CNTN5: variants seen among roughly 807,000 people sequenced by gnomAD.
The protein encoded by CNTN5 is contactin 5, also known as contactin-5.
A neutral mutation model predicts 129.1 loss-of-function variants in CNTN5; 77 were observed. That is an observed-to-expected ratio of 0.60 (90% confidence interval 0.50 to 0.72). The LOEUF is 0.72. Among genes scored for constraint, CNTN5 ranks in the 30% least tolerant of loss-of-function variants. The pLI is 0.00. For missense variants in CNTN5, 1,478 were observed against 1,328.8 expected (o/e 1.11, Z -1.75); for synonymous variants, 509 against 465.6 (o/e 1.09, Z -1.20).
chr11:99,579,828 C>A (rs921512305), intron 3 of CNTN5, among the ~76,000 whole-genome samples: 1 of 151,076 alleles, frequency 6.6e-6, no homozygotes, highest in Non-Finnish European at 1.5e-5. Flanking sequence ...TTATTCCCTT[C>A]TCCTGCCTGA....
rs139079088 is a variant in CNTN5, at chr11:100,206,515, T to C, written c.1884+12852T>C. ...CCAAATTAAATCCAGGGATAAACTA[T>C]ATCTTGCTTAACATAAGTATACGTG... On this transcript the variant is annotated intron_variant, in intron 15 of 24. Coordinates refer to ENST00000524871, the MANE Select transcript of CNTN5 (RefSeq NM_014361.4). Among the ~76,000 whole-genome samples, 51 of 152,270 alleles carry C rather than the reference T, an allele frequency of 3.3e-4. 1 individual carries two copies. In the South Asian group the frequency reaches 3.7e-3, roughly 11 times the overall value.
chr11:99,668,694 C>A (rs557497882), intron 3 of CNTN5, among the ~76,000 whole-genome samples: 3 of 152,014 alleles, frequency 2.0e-5, no homozygotes, highest in Non-Finnish European at 4.4e-5. Flanking sequence ...TTTGGGAGGC[C>A]GAGGTGCGCA....
intron 2 of CNTN5, among the ~76,000 whole-genome samples, chr11:99,519,763 T>G (rs1440611057): frequency 7.9e-5 from 12 of 152,044 alleles, no homozygotes; most frequent in Admixed American, 7.9e-4. Context: ...TGGGAACAAT[T>G]CTAGAGTTTA....
At chr11:99,475,750 T>C (rs1945345590) in intron 2 of CNTN5, among the ~76,000 whole-genome samples, 1 of 152,138 alleles carries the variant, frequency 6.6e-6, no homozygotes, top group Admixed American at 6.6e-5. Flanking sequence ...TCTAATAATT[T>C]TTAAAATAAT....
chr11:99,438,325 G>A (rs945646130), intron 2 of CNTN5, among the ~76,000 whole-genome samples: 9 of 151,910 alleles, frequency 5.9e-5, no homozygotes, highest in African/African-American at 2.2e-4. Flanking sequence ...GGAACTATTC[G>A]TCTTATCTCT....
intron 2 of CNTN5, among the ~76,000 whole-genome samples, chr11:99,436,933 C>T (rs929623308): frequency 3.9e-5 from 6 of 152,118 alleles, no homozygotes; most frequent in Non-Finnish European, 5.9e-5. Context: ...GTTTTCTCTA[C>T]CTTCATGATG....
At chr11:99,168,347 G>C (rs1477719532) in intron 1 of CNTN5, among the ~76,000 whole-genome samples, 1 of 152,146 alleles carries the variant, frequency 6.6e-6, no homozygotes, top group South Asian at 2.1e-4. Context: ...GGGGGGTGGG[G>C]GGACGGCAGG....
At chr11:100,098,764 C>T (rs1945110572) in intron 13 of CNTN5, among the ~76,000 whole-genome samples, 1 of 152,090 alleles carries the variant, frequency 6.6e-6, no homozygotes, top group South Asian at 2.1e-4. Context: ...GTTGAGTCAG[C>T]AGTTTGGCTG....
intron 1 of CNTN5, among the ~76,000 whole-genome samples, chr11:99,239,947 A>ACC (rs1405515864): frequency 6.6e-6 from 1 of 151,784 alleles, no homozygotes; most frequent in Non-Finnish European, 1.5e-5. Flanking sequence ...AAAAAAAAAA[A>ACC]AAAAAAAAAT....
chr11:99,496,189 G>C (rs1305923726), intron 2 of CNTN5, among the ~76,000 whole-genome samples: 1 of 152,142 alleles, frequency 6.6e-6, no homozygotes, highest in African/African-American at 2.4e-5. Flanking sequence ...TTTTGATAGA[G>C]AAGCGTGACG....
At chr11:99,909,476 A>T (rs1163378562) in intron 6 of CNTN5, among the ~76,000 whole-genome samples, 9 of 152,110 alleles carry the variant, frequency 5.9e-5, no homozygotes, top group Admixed American at 5.9e-4. Context: ...TACCCAAAGG[A>T]TTATAAAACA....
At chr11:99,066,722 C>T (rs1421369892) in intron 1 of CNTN5, among the ~76,000 whole-genome samples, 3 of 152,082 alleles carry the variant, frequency 2.0e-5, no homozygotes, top group Middle Eastern at 3.2e-3. Context: ...TGATCAGTGG[C>T]CCCAGCTCTT....
At chr11:100,047,457 T>G (rs1020920347) in intron 9 of CNTN5, among the ~76,000 whole-genome samples, 36 of 152,132 alleles carry the variant, frequency 2.4e-4, no homozygotes, top group African/African-American at 8.4e-4. Context: ...AAAACAAAAT[T>G]CAGAGACCTG....
intron 13 of CNTN5, among the ~76,000 whole-genome samples, chr11:100,101,979 G>A (rs747623525): frequency 9.2e-5 from 14 of 152,126 alleles, no homozygotes; most frequent in Admixed American, 2.0e-4. Flanking sequence ...CTGATTGGTT[G>A]ATGAGCACTT....
chr11:100,071,393 T>A (rs1436243884), intron 11 of CNTN5, among the ~76,000 whole-genome samples: 1 of 152,162 alleles, frequency 6.6e-6, no homozygotes, highest in African/African-American at 2.4e-5. Context: ...AAGCATCACC[T>A]GCTGATTATA....
At chr11:99,557,428 A>C (rs1232190674) in intron 3 of CNTN5, among the ~76,000 whole-genome samples, 1 of 151,396 alleles carries the variant, frequency 6.6e-6, no homozygotes, top group East Asian at 1.9e-4. Context: ...AAAAATATCT[A>C]ATTGATTATA....
Position 100,341,177 on chromosome 11 carries a change from C to G in CNTN5, c.3002C>G (p.Ala1001Gly), listed in dbSNP as rs369992087. ...SLGWEPVIPL[A>G]NESEVVGYKV... Reference sequence around the variant, plus strand: ...GGCTGGGAACCCGTCATACCATTAGCCAACGAATCTGAAGTTGTGGGTTAC... The same window carrying G: ...GGCTGGGAACCCGTCATACCATTAGGCAACGAATCTGAAGTTGTGGGTTAC... Residue 1001 changes from alanine to glycine, a missense_variant, in exon 23 of 25, where the codon GCC becomes GGC. Coordinates refer to ENST00000524871, the MANE Select transcript of CNTN5 (RefSeq NM_014361.4). 3.3e-5 allele frequency: 54 copies of G among 1,613,586 alleles called. 1 individual carries two copies. In the African/African-American group the frequency reaches 5.9e-4, roughly 18 times the overall value.
intron 3 of CNTN5, among the ~76,000 whole-genome samples, chr11:99,629,135 T>A (rs888261105): frequency 8.5e-5 from 13 of 152,124 alleles, no homozygotes; most frequent in Non-Finnish European, 1.5e-4. Flanking sequence ...ATGAAAAGAA[T>A]GTAAAGCTTA....
intron 3 of CNTN5, among the ~76,000 whole-genome samples, chr11:99,567,115 T>C: frequency 6.6e-6 from 1 of 152,182 alleles, no homozygotes; most frequent in South Asian, 2.1e-4. Flanking sequence ...TCAATAGGGA[T>C]GAGGCTCAGA....
Sources: allele counts gnomAD v4.1 joint callset (sites outside exome capture counted in the v4.1 genomes callset), GRCh38; gene constraint gnomAD v4.1.1; transcripts MANE v1.5; gene names NCBI Gene and HGNC (gene_info 2026-07-23, HGNC 2026-07-21).